The following SMC1B variants were observed in gnomAD, a reference collection of about 807,000 sequenced individuals.
SMC1B encodes the protein structural maintenance of chromosomes 1B.
In SMC1B, 60 loss-of-function variants were observed where a neutral mutation model predicts 157.9. The ratio of observed to expected loss-of-function variants is 0.38; its 90% CI spans 0.31 to 0.47. The LOEUF is 0.47. Ranked by LOEUF, SMC1B falls within the 20% of genes least tolerant of loss-of-function variation. The probability of loss-of-function intolerance (pLI) is 0.99; values close to 1 mark genes in which losing one functional copy is unlikely to be tolerated. For missense variants in SMC1B, 1,165 were observed against 1,426.2 expected (o/e 0.82, Z 2.95); for synonymous variants, 445 against 483.0 (o/e 0.92, Z 1.03).
At chr22:45,412,497 C>G (rs78442100) in intron 1 of SMC1B, among the ~76,000 whole-genome samples, 3 of 126,646 alleles carry the variant, frequency 2.4e-5, no homozygotes, top group African/African-American at 3.2e-5. Context: ...CCGCGCCCAG[C>G]CTTTTTTTTT....
chr22:45,404,120 T>C (rs979173275), intron 4 of SMC1B, among the ~76,000 whole-genome samples: 3 of 152,168 alleles, frequency 2.0e-5, no homozygotes, highest in Admixed American at 2.0e-4. Context: ...TTTTGTATTT[T>C]TAGTAAAGAC....
intron 1 of SMC1B, among the ~76,000 whole-genome samples, chr22:45,409,612 A>G (rs1019094283): frequency 7.2e-6 from 1 of 139,004 alleles, no homozygotes; most frequent in African/African-American, 2.5e-5. Flanking sequence ...AAATAAATAA[A>G]AACAAGAGAA....
chr22:45,386,465 T>C (rs1009193154), intron 11 of SMC1B, among the ~76,000 whole-genome samples: 1 of 152,068 alleles, frequency 6.6e-6, no homozygotes, highest in Non-Finnish European at 1.5e-5. Flanking sequence ...ACAGTTAGTA[T>C]CTCCACTAAA....
chr22:45,379,690 G>A (rs1023771649), intron 12 of SMC1B, among the ~76,000 whole-genome samples: 1 of 143,174 alleles, frequency 7.0e-6, no homozygotes, highest in African/African-American at 2.6e-5. Context: ...TCTAATTCAT[G>A]TGTTGCTTAG....
chr22:45,394,788 T>C (rs1489211718), intron 7 of SMC1B, 21 bp from the exon 8 acceptor site: 4 of 1,500,414 alleles, frequency 2.7e-6, no homozygotes, highest in Non-Finnish European at 3.6e-6. Context: ...AAATAAAATC[T>C]AAAATCAATT....
At chr22:45,367,741 C>T (rs549672616) in intron 15 of SMC1B, among the ~76,000 whole-genome samples, 1 of 152,308 alleles carries the variant, frequency 6.6e-6, no homozygotes, top group South Asian at 2.1e-4. Context: ...GTAGTAACCA[C>T]GAGTCAGGGG....
intron 12 of SMC1B, among the ~76,000 whole-genome samples, chr22:45,374,771 G>A (rs2086868966): frequency 6.6e-6 from 1 of 152,106 alleles, no homozygotes; most frequent in South Asian, 2.1e-4. Context: ...GCCTACTAAT[G>A]TATGGACTTC....
Position 45,402,374 on chromosome 22 carries a change from T to C in SMC1B, c.813A>G (p.Gly271=), listed in dbSNP as rs1043364171. The part of the protein sequence containing the change: ...NIVKARKKEH[G]MLTRQLQQTE... ...TTTGTTGTAGTTGTCTAGTTAGCAT[T>C]CCATGTTCCTTTTTCCTGGCTTTAA... Residue 271 remains glycine (G), a synonymous_variant, in exon 5 of 25, where the codon GGA becomes GGG. Coordinates refer to ENST00000357450, the MANE Select transcript of SMC1B (RefSeq NM_148674.5). 1 of 1,613,642 alleles carries C rather than the reference T, an allele frequency of 6.2e-7. No individual in the cohort carries two copies. The highest frequency in any genetic ancestry group is 8.5e-7 in the Non-Finnish European group (1 of 1,179,890).
At chr22:45,368,210 A>C (rs1488511576) in intron 15 of SMC1B, among the ~76,000 whole-genome samples, 1 of 152,116 alleles carries the variant, frequency 6.6e-6, no homozygotes, top group African/African-American at 2.4e-5. Context: ...TAAATGCTGA[A>C]TTTTGTCAAG....
chr22:45,409,609 T>TAAATAAATAAAA (rs1471181472), intron 1 of SMC1B, among the ~76,000 whole-genome samples: 2 of 84,298 alleles, frequency 2.4e-5, no homozygotes, highest in Non-Finnish European at 4.8e-5. Flanking sequence ...AATAAATAAA[T>TAAATAAATAAAA]AAAAACAAGA....
At chr22:45,371,684 ATC>A (rs1228813353) in intron 13 of SMC1B, 97 bp from the exon 14 acceptor site, 15 of 1,381,276 alleles carry the variant, frequency 1.1e-5, no homozygotes, top group Non-Finnish European at 1.5e-5. Context: ...TAAAAGAAGA[ATC>A]TATGAGATAA....
chr22:45,380,785 G>C lies in SMC1B; in HGVS notation c.2058+2682C>G, dbSNP rs75793789. Among the ~76,000 whole-genome samples, 1,158 of 152,190 alleles carry C rather than the reference G, an allele frequency of 7.6e-3. 26 individuals carry two copies. The highest frequency in any genetic ancestry group is 0.044 in the Middle Eastern group (13 of 294). On this transcript the variant is annotated intron_variant, in intron 12 of 24. Coordinates refer to ENST00000357450, the MANE Select transcript of SMC1B (RefSeq NM_148674.5). ...ATTAAAATAAAAAAAAATTAGCAGG[G>C]CCTGGTGGTACACCCCTGTAGTCCC...
intron 15 of SMC1B, among the ~76,000 whole-genome samples, chr22:45,368,887 T>G (rs2146790371): frequency 6.6e-6 from 1 of 152,352 alleles, no homozygotes; most frequent in South Asian, 2.1e-4. Flanking sequence ...CTTTAAAGTC[T>G]GCTGAGATAA....
intron 12 of SMC1B, among the ~76,000 whole-genome samples, chr22:45,373,282 T>C (rs2086852823): frequency 1.3e-5 from 2 of 152,122 alleles, no homozygotes; most frequent in South Asian, 2.1e-4. Context: ...GCAAAATAAA[T>C]TTCTAAATTG....
In SMC1B at chr22:45,353,902, AAAAAAAAAAAAAAAAAAAC is replaced by A. The variant is rs1463614204; in HGVS notation, c.3273+57_3273+75del. On this transcript the variant is annotated intron_variant, in intron 21 of 24. Coordinates refer to ENST00000357450, the MANE Select transcript of SMC1B (RefSeq NM_148674.5). ...AGTGGTTATTTCCCACCAAAAAAAAAAAAAAAAAAAAAAAAAAACAACCACCACCGGTAACACAGAATTC... is the reference window on the plus strand; with the variant it reads ...AGTGGTTATTTCCCACCAAAAAAAAAAACCACCACCGGTAACACAGAATTC... 3.2e-5 allele frequency: 19 copies of A among 599,272 alleles called. No individual in the cohort carries two copies. In the South Asian group the frequency reaches 3.4e-4, roughly 11 times the overall value. The allele number at this position is 599,272 out of a possible 1,614,324, so 37.1% of individuals were successfully genotyped here. A position where few individuals can be genotyped will look rare whatever the true frequency, so the allele number is the denominator to read the frequency against.
intron 23 of SMC1B, 53 bp downstream of exon 23, chr22:45,349,675 A>T (rs778586061): frequency 3.2e-5 from 48 of 1,504,200 alleles, no homozygotes; most frequent in Admixed American, 5.3e-5. Context: ...TGCTTGCCTC[A>T]CATGATCCTT....
chr22:45,411,459 T>C (rs2087332817), intron 1 of SMC1B, among the ~76,000 whole-genome samples: 1 of 152,212 alleles, frequency 6.6e-6, no homozygotes, highest in African/African-American at 2.4e-5. Flanking sequence ...AGGGAGTGAT[T>C]GCTAATGAGT....
At chr22:45,413,368 G>T in intron 1 of SMC1B, 91 bp downstream of exon 1, 1 of 1,019,654 alleles carries the variant, frequency 9.8e-7, no homozygotes, top group Non-Finnish European at 1.4e-6. Flanking sequence ...CCAGGCGCCC[G>T]CGGCAGACGC....
intron 23 of SMC1B, among the ~76,000 whole-genome samples, chr22:45,347,962 G>A (rs2146751707): frequency 6.6e-6 from 1 of 152,284 alleles, no homozygotes; most frequent in South Asian, 2.1e-4. Context: ...CTGCAGGCCG[G>A]TGCTGCCCTT....
Sources: allele counts gnomAD v4.1 joint callset (sites outside exome capture counted in the v4.1 genomes callset), GRCh38; gene constraint gnomAD v4.1.1; transcripts MANE v1.5; gene names NCBI Gene and HGNC (gene_info 2026-07-23, HGNC 2026-07-21).